Variants in DHTKD1 observed in about 807,000 individuals in gnomAD.
DHTKD1 encodes dehydrogenase E1 and transketolase domain containing 1, also known as 2-oxoadipate dehydrogenase complex component E1.
A neutral mutation model predicts 101.8 loss-of-function variants in DHTKD1; 78 were observed. The observed-to-expected ratio is 0.77, with a 90% CI of 0.64 to 0.93. The LOEUF is 0.93. Among genes scored for constraint, DHTKD1 ranks in the 40% least tolerant of loss-of-function variants. The probability of loss-of-function intolerance (pLI) is 0.00; values close to 1 mark genes in which losing one functional copy is unlikely to be tolerated. For missense variants in DHTKD1, 1,223 were observed against 1,161.7 expected (o/e 1.05, Z -0.77); for synonymous variants, 462 against 450.3 (o/e 1.03, Z -0.33).
chr10:12,084,897 G>T, intron 3 of DHTKD1, 146 bp downstream of exon 3: 1 of 629,100 alleles, frequency 1.6e-6, no homozygotes, highest in Non-Finnish European at 2.7e-6. Context: ...CTAAAAATAC[G>T]AAAATTAGCC....
At chr10:12,085,925 CAT>C (rs1435234599) in intron 3 of DHTKD1, among the ~76,000 whole-genome samples, 2 of 152,058 alleles carry the variant, frequency 1.3e-5, no homozygotes, top group Non-Finnish European at 2.9e-5. Flanking sequence ...AATAAAAAAA[CAT>C]AGTTCTTAAG....
At chr10:12,073,186 C>A (rs567191888) in intron 1 of DHTKD1, among the ~76,000 whole-genome samples, 1 of 152,086 alleles carries the variant, frequency 6.6e-6, no homozygotes, top group Non-Finnish European at 1.5e-5. Flanking sequence ...GCATATGCCA[C>A]CCCGCCCAGC....
intron 16 of DHTKD1, among the ~76,000 whole-genome samples, 170 bp from the exon 17 acceptor site, chr10:12,120,617 T>C (rs1016553054): frequency 6.6e-6 from 1 of 152,110 alleles, no homozygotes; most frequent in Admixed American, 6.6e-5. Flanking sequence ...ATTACAGGCA[T>C]TGAGGCACGG....
At chr10:12,080,354 A>ACC (rs922837616) in intron 1 of DHTKD1, among the ~76,000 whole-genome samples, 1 of 151,686 alleles carries the variant, frequency 6.6e-6, no homozygotes, top group African/African-American at 2.4e-5. Flanking sequence ...TACAAACCCA[A>ACC]GTGCATGGGT....
Position 12,113,038 on chromosome 10 carries a change from T to G in DHTKD1, c.2293T>G (p.Ser765Ala). The change falls in exon 13 of 17, where the codon TCC becomes GCC. Residue 765 changes from serine to alanine, a missense_variant. Transcript: ENST00000263035. ...CTTCAGAAAACCACTCATTGTTGCTTCCCCTAAGATGTTACTCAGGCTCCC... is the reference window on the plus strand; with the variant it reads ...CTTCAGAAAACCACTCATTGTTGCTGCCCCTAAGATGTTACTCAGGCTCCC... ...RNFRKPLIVA[S>A]PKMLLRLPAA... 6.2e-7 allele frequency: 1 copy of G among 1,612,678 alleles called. No homozygotes were observed. Among genetic ancestry groups the G allele is most frequent in the Non-Finnish European group, 8.5e-7 (1 of 1,179,460 alleles).
rs1213224509 is a variant in DHTKD1 at position 12,107,677 on chromosome 10, C to T, written c.2048-232C>T. On this transcript the variant is annotated intron_variant, in intron 11 of 16. Transcript: ENST00000263035. This position sits in a 1 kb window ranked among gnomAD's most constrained non-coding sequence, Gnocchi z 4.1. ...AAGTGATCTATCCGCCTCAGCCTCC[C>T]AAAGTGCTGGGATTACAGGTGTGAG... is the stretch of plus-strand genomic sequence containing the variant. Among the ~76,000 whole-genome samples the T allele has an allele frequency of 6.6e-6, 1 of 152,138 alleles. No individual in the cohort carries two copies. The highest frequency in any genetic ancestry group is 2.4e-5 in the African/African-American group (1 of 41,434).
chr10:12,085,659 G>A (rs1310918154), intron 3 of DHTKD1, among the ~76,000 whole-genome samples: 2 of 152,046 alleles, frequency 1.3e-5, no homozygotes, highest in Non-Finnish European at 2.9e-5. Context: ...TGGGCGTATT[G>A]CTTGAGGTCA....
chr10:12,069,003 C>T lies in DHTKD1; in HGVS notation c.-31C>T, dbSNP rs1223248013. 4 of 1,612,042 alleles carry T rather than the reference C, an allele frequency of 2.5e-6. No individual in the cohort carries two copies. Among genetic ancestry groups the T allele is most frequent in the Non-Finnish European group, 3.4e-6 (4 of 1,179,298 alleles). On this transcript the variant is annotated 5_prime_UTR_variant, in exon 1 of 17. Coordinates refer to ENST00000263035, the MANE Select transcript of DHTKD1 (RefSeq NM_018706.7). ...CGGTGGGATCCCCTCGGGCTCCCGC[C>T]TTAGCATGCTGGCCGGGACATCTGG...
In DHTKD1 at chr10:12,069,168, C is replaced by T; in HGVS notation, c.135C>T (p.Gly45=). 1.3e-6 allele frequency: 2 copies of T among 1,555,634 alleles called. No individual in the cohort carries two copies. Among genetic ancestry groups the T allele is most frequent in the Middle Eastern group, 2.2e-4 (1 of 4,622 alleles). The change falls in exon 1 of 17, where the codon GGC becomes GGT. Residue 45 remains glycine (G), a synonymous_variant. Coordinates refer to ENST00000263035, the MANE Select transcript of DHTKD1 (RefSeq NM_018706.7). Reference sequence around the variant, plus strand: ...AGCCCGAGAGCCGCGAGCCCCAGGGCGCCCTGGAGCGCCCCCCAGGTCGGG... The same window carrying T: ...AGCCCGAGAGCCGCGAGCCCCAGGGTGCCCTGGAGCGCCCCCCAGGTCGGG... The part of the protein sequence containing the change: ...PRKPESREPQ[G]ALERPPVDHG...
intron 15 of DHTKD1, among the ~76,000 whole-genome samples, chr10:12,119,933 A>G (rs892208948): frequency 8.5e-5 from 13 of 152,244 alleles, no homozygotes; most frequent in Non-Finnish European, 1.3e-4. Context: ...CGTTGGGCAC[A>G]ATCATTTAAC....
In DHTKD1 at chr10:12,089,252, A is replaced by C; in HGVS notation, c.984A>C (p.Leu328Phe). Residue 328 changes from leucine (L) to phenylalanine (F), a missense_variant, in exon 5 of 17, where the codon TTA becomes TTC. By Grantham distance (22) the Leu-to-Phe change is conservative (BLOSUM62 0). Coordinates refer to ENST00000263035, the MANE Select transcript of DHTKD1 (RefSeq NM_018706.7). ...AGCCGGGGGACAGGGTCATTTGCTT[A>C]CAGGTACTTGGAGCTTCTGAAATTG... ...SAQPGDRVIC[L>F]QVHGDASFCG... 1 of 1,613,460 alleles carries C rather than the reference A, an allele frequency of 6.2e-7. No homozygotes were observed. Among genetic ancestry groups the C allele is most frequent in the South Asian group, 1.1e-5 (1 of 91,072 alleles).
In DHTKD1 at chr10:12,122,910, A is replaced by G. The variant is rs1833547066; in HGVS notation, c.*2022A>G. On this transcript the variant is annotated 3_prime_UTR_variant, in exon 17 of 17. Coordinates refer to ENST00000263035, the MANE Select transcript of DHTKD1 (RefSeq NM_018706.7). Reference sequence around the variant, plus strand: ...ACTGGCAGAAGCCCAGGCCCTCTCTACTTTTACCAGCAACTGATCATGTCT... The same window carrying G: ...ACTGGCAGAAGCCCAGGCCCTCTCTGCTTTTACCAGCAACTGATCATGTCT... 1 of 152,208 alleles carries G rather than the reference A, an allele frequency of 6.6e-6. No individual in the cohort carries two copies. The highest frequency in any genetic ancestry group is 1.5e-5 in the Non-Finnish European group (1 of 68,056). The allele number at this position is 152,208 out of a possible 1,614,324, so 9.4% of individuals were successfully genotyped here.
intron 1 of DHTKD1, among the ~76,000 whole-genome samples, chr10:12,074,278 T>C (rs1432829953): frequency 1.3e-5 from 2 of 152,158 alleles, no homozygotes; most frequent in African/African-American, 4.8e-5. Flanking sequence ...ACTCCTGGGC[T>C]CAAGTGATCC....
At chr10:12,098,765 A>G (rs1008355470) in intron 8 of DHTKD1, among the ~76,000 whole-genome samples, 3 of 152,124 alleles carry the variant, frequency 2.0e-5, no homozygotes, top group South Asian at 4.1e-4. Context: ...GGTTTTCACC[A>G]TGTTGGCCAG....
rs10795929 is a variant in DHTKD1 at position 12,081,772 on chromosome 10, C to A, written c.310+145C>A. The A allele has an allele frequency of 0.55, 432,984 of 781,772 alleles. 125,776 individuals carry two copies. Among genetic ancestry groups the A allele is most frequent in the South Asian group, 0.72 (40,074 of 55,900 alleles). The allele number at this position is 781,772 out of a possible 1,614,324, so 48.4% of individuals were successfully genotyped here. A position where few individuals can be genotyped will look rare whatever the true frequency, so the allele number is the denominator to read the frequency against. On this transcript the variant is annotated intron_variant, in intron 2 of 16. Transcript: ENST00000263035. ...CCGAGGGGCATGTTGAAGTACGGTCCGGGAGGAGCATTCTTGGGATTCTAG... is the reference window on the plus strand; with the variant it reads ...CCGAGGGGCATGTTGAAGTACGGTCAGGGAGGAGCATTCTTGGGATTCTAG...
rs1310720857 is a variant in DHTKD1 at position 12,118,792 on chromosome 10, C to T, written c.2446C>T (p.Leu816=). Reference sequence around the variant, plus strand: ...CTGCTCCGGCAAACATTTCTACTCCCTGGTGAAACAAAGAGAATCTCTGGG... The same window carrying T: ...CTGCTCCGGCAAACATTTCTACTCCTTGGTGAAACAAAGAGAATCTCTGGG... ...VFCSGKHFYS[L]VKQRESLGAK... Residue 816 remains leucine (L), a synonymous_variant, in exon 15 of 17, where the codon CTG becomes TTG. Transcript: ENST00000263035. The T allele has an allele frequency of 1.2e-6, 2 of 1,606,478 alleles. No individual in the cohort carries two copies. The highest frequency in any genetic ancestry group is 1.1e-5 in the South Asian group (1 of 89,642).
intron 14 of DHTKD1, 59 bp downstream of exon 14, chr10:12,117,814 T>G: frequency 6.0e-6 from 5 of 830,362 alleles, no homozygotes; most frequent in Non-Finnish European, 8.1e-6. Context: ...ATGGGAAAAG[T>G]AGTTCACATT....
At chr10:12,101,540 C>T (rs1326546958) in intron 10 of DHTKD1, among the ~76,000 whole-genome samples, 1 of 152,206 alleles carries the variant, frequency 6.6e-6, no homozygotes, top group African/African-American at 2.4e-5. Flanking sequence ...CAAAATCGCA[C>T]ATCCTCAAGG....
chr10:12,109,044 C>A (rs576672380), intron 12 of DHTKD1, among the ~76,000 whole-genome samples: 4 of 151,966 alleles, frequency 2.6e-5, no homozygotes, highest in African/African-American at 9.7e-5. Flanking sequence ...CCAAGCTACT[C>A]GGGAGCCTGA....
Sources: allele counts gnomAD v4.1 joint callset (sites outside exome capture counted in the v4.1 genomes callset), GRCh38; gene constraint gnomAD v4.1.1; non-coding constraint Gnocchi (gnomAD v3.1); transcripts MANE v1.5; gene names NCBI Gene and HGNC (gene_info 2026-07-23, HGNC 2026-07-21).